Variants in PACS1 observed in about 807,000 individuals in gnomAD.
PACS1 encodes phosphofurin acidic cluster sorting protein 1, also known as PACS-1.
A neutral mutation model predicts 115.0 loss-of-function variants in PACS1; 24 were observed. That is an observed-to-expected ratio of 0.21 (90% CI 0.15 to 0.29). The LOEUF (loss-of-function observed/expected upper bound fraction) is 0.29. Among genes scored for constraint, PACS1 ranks in the 10% least tolerant of loss-of-function variants. The probability of loss-of-function intolerance (pLI) is 1.00; values close to 1 mark genes in which losing one functional copy is unlikely to be tolerated. For synonymous variants in PACS1, 453 were observed against 504.5 expected (o/e 0.90, Z 1.37); for missense variants, 838 against 1,251.2 (o/e 0.67, Z 4.98).
At chr11:66,202,742 A>AAAAAAAAAATATAT (rs1200930188) in intron 2 of PACS1, among the ~76,000 whole-genome samples, 1 of 71,608 alleles carries the variant, frequency 1.4e-5, no homozygotes, top group African/African-American at 7.9e-5. Flanking sequence ...AAAAAAAAAA[A>AAAAAAAAAATATAT]ATATATATAT....
At chr11:66,193,631 A>T (rs905401997) in intron 2 of PACS1, 58 bp downstream of exon 2, 2 of 1,228,042 alleles carry the variant, frequency 1.6e-6, no homozygotes, top group African/African-American at 1.5e-5. Flanking sequence ...CCATTTGCCC[A>T]CTGCTGCGGC....
intron 7 of PACS1, chr11:66,218,457 C>G (rs578237850): frequency 6.6e-6 from 1 of 152,318 alleles, no homozygotes; most frequent in South Asian, 2.1e-4. Flanking sequence ...CCACCTGTCC[C>G]AGGAGTGCCA....
At chr11:66,225,039 G>C (rs1590832644) in intron 10 of PACS1, among the ~76,000 whole-genome samples, 1 of 152,320 alleles carries the variant, frequency 6.6e-6, no homozygotes, top group East Asian at 1.9e-4. Context: ...TCTCCAAGCT[G>C]ATAACAATGA....
rs181227185 is a variant in PACS1, at chr11:66,099,847, A to G, written c.356+29005A>G. Among the ~76,000 whole-genome samples, 10 of 148,352 alleles carry G rather than the reference A, an allele frequency of 6.7e-5. No homozygotes were observed. In the East Asian group the frequency reaches 1.9e-3, roughly 28 times the overall value. ...AGGCATGAGCCACCATGCCTGGCCT[A>G]TATCTGTTTTTGTTTTTTGAGATGG... On this transcript the variant is annotated intron_variant, in intron 1 of 23. Transcript: ENST00000320580.
chr11:66,160,592 G>A (rs1590787646), intron 1 of PACS1, among the ~76,000 whole-genome samples: 1 of 151,634 alleles, frequency 6.6e-6, no homozygotes, highest in East Asian at 1.9e-4. Flanking sequence ...AATCTCCTGG[G>A]CTCGAGTGAT....
chr11:66,071,215 G>A (rs1415458040), intron 1 of PACS1, among the ~76,000 whole-genome samples: 1 of 152,140 alleles, frequency 6.6e-6, no homozygotes, highest in East Asian at 1.9e-4. Context: ...TAGATCTCTT[G>A]ATATTATTAT....
At chr11:66,157,423 C>T (rs550434881) in intron 1 of PACS1, among the ~76,000 whole-genome samples, 7 of 147,786 alleles carry the variant, frequency 4.7e-5, no homozygotes, top group African/African-American at 1.7e-4. Context: ...TTTTCAGCCA[C>T]ATGTGGGCCA....
At chr11:66,112,442 C>T (rs771750753) in intron 1 of PACS1, among the ~76,000 whole-genome samples, 18 of 152,238 alleles carry the variant, frequency 1.2e-4, no homozygotes, top group Non-Finnish European at 1.6e-4. Flanking sequence ...TCTCACTCAG[C>T]GCAGACAGGC....
chr11:66,239,328 C>A (rs371999862), intron 21 of PACS1, 51 bp downstream of exon 21: 2 of 1,567,234 alleles, frequency 1.3e-6, no homozygotes, highest in African/African-American at 2.7e-5. Context: ...CAGGCCCACC[C>A]GGCTGATTCC....
chr11:66,202,726 G>GGAAAAAAAA lies in PACS1; in HGVS notation c.445-7636_445-7635insGAAAAAAAA, dbSNP rs1554988658. 8.2e-4 allele frequency among the ~76,000 whole-genome samples: 9 copies of GGAAAAAAAA among 10,960 alleles called. 1 individual carries two copies. Among genetic ancestry groups the GGAAAAAAAA allele is most frequent in the African/African-American group, 2.2e-3 (9 of 4,186 alleles). The allele number at this position is 10,960 out of a possible 152,430, so 7.2% of individuals were successfully genotyped here. A position where few individuals can be genotyped will look rare whatever the true frequency, so the allele number is the denominator to read the frequency against. On this transcript the variant is annotated intron_variant, in intron 2 of 23. Transcript: ENST00000320580. Reference sequence around the variant, plus strand: ...CAACATGGCAAAACCTCATCTCTAGGAAAAAAAAAAAAAAAAATATATATA... The same window carrying GGAAAAAAAA: ...CAACATGGCAAAACCTCATCTCTAGGGAAAAAAAAAAAAAAAAAAAAAAAAATATATATA...
At chr11:66,217,687 T>G in intron 7 of PACS1, 1 of 449,570 alleles carries the variant, frequency 2.2e-6, no homozygotes. Context: ...GACTGTTTCC[T>G]TGTCCTCAGG....
At chr11:66,086,905 G>A (rs1857579963) in intron 1 of PACS1, among the ~76,000 whole-genome samples, 1 of 151,670 alleles carries the variant, frequency 6.6e-6, no homozygotes, top group Admixed American at 6.6e-5. Context: ...GCGTGGGGCC[G>A]GCCCCAAACA....
At chr11:66,143,587 G>A (rs1334593922) in intron 1 of PACS1, among the ~76,000 whole-genome samples, 2 of 152,110 alleles carry the variant, frequency 1.3e-5, no homozygotes, top group African/African-American at 4.8e-5. Flanking sequence ...CATGATTTTT[G>A]CCCTGATTTA....
At chr11:66,194,989 C>CT (rs2134676009) in intron 2 of PACS1, among the ~76,000 whole-genome samples, 1 of 152,336 alleles carries the variant, frequency 6.6e-6, no homozygotes, top group East Asian at 1.9e-4. Context: ...CTTTGGGAGG[C>CT]TGAGGTGGTG....
intron 1 of PACS1, among the ~76,000 whole-genome samples, chr11:66,192,461 C>T (rs930499403): frequency 6.6e-6 from 1 of 152,178 alleles, no homozygotes; most frequent in African/African-American, 2.4e-5. Context: ...GGCCCTGAGG[C>T]GAGAGAGGGT....
At chr11:66,079,376 A>G (rs1377153402) in intron 1 of PACS1, among the ~76,000 whole-genome samples, 2 of 147,932 alleles carry the variant, frequency 1.4e-5, no homozygotes, top group African/African-American at 2.5e-5. Flanking sequence ...TTTAGAACAC[A>G]CTAAGGCTTG....
chr11:66,106,717 C>T (rs1858050189), intron 1 of PACS1, among the ~76,000 whole-genome samples: 1 of 151,992 alleles, frequency 6.6e-6, no homozygotes, highest in Non-Finnish European at 1.5e-5. Context: ...GATCACACCA[C>T]TGCACTGCAT....
Position 66,134,198 on chromosome 11 carries a change from G to T in PACS1, c.357-59288G>T, listed in dbSNP as rs116977880. Among the ~76,000 whole-genome samples the T allele has an allele frequency of 1.2e-3, 181 of 150,640 alleles. 2 individuals are homozygous for T. The East Asian group carries it at 0.031, about 26-fold the overall frequency. On this transcript the variant is annotated intron_variant, in intron 1 of 23. Transcript: ENST00000320580. ...TGCTGCCCTCGACTGTTGTGAGGCC[G>T]GCTGAGTTTCAGTAACAGGGACTCG...
At chr11:66,220,925 T>C in intron 9 of PACS1, 134 bp downstream of exon 9, 1 of 1,088,722 alleles carries the variant, frequency 9.2e-7, no homozygotes, top group Non-Finnish European at 1.3e-6. Context: ...CTGGCTGTCT[T>C]GGAGAAGGTC....
Sources: gnomAD v4.1 joint callset for allele counts (sites outside exome capture counted in the v4.1 genomes callset) on GRCh38, gnomAD v4.1.1 for gene constraint, MANE v1.5 for transcripts, NCBI Gene and HGNC (gene_info 2026-07-23, HGNC 2026-07-21) for gene names.